Variants in SLC2A13 observed in about 807,000 individuals in gnomAD.
SLC2A13 encodes the protein proton myo-inositol cotransporter.
Under a neutral mutation model 64.4 loss-of-function variants are expected in SLC2A13, and 32 were observed. The observed-to-expected ratio is 0.50, with a 90% CI of 0.37 to 0.67. The LOEUF is 0.67. SLC2A13 is among the 30% of genes least tolerant of loss of function. SLC2A13 has a pLI of 0.00. For synonymous variants in SLC2A13, 338 were observed against 327.1 expected, an observed-to-expected ratio of 1.03 and a Z score of -0.36; for missense variants, 743 against 829.2, an observed-to-expected ratio of 0.90 and a Z score of 1.28.
intron 3 of SLC2A13, among the ~76,000 whole-genome samples, chr12:39,964,236 T>C (rs1251470800): frequency 6.6e-6 from 1 of 152,164 alleles, no homozygotes; most frequent in Non-Finnish European, 1.5e-5. Flanking sequence ...TATTCTTCTA[T>C]TACCTGTACC....
At chr12:39,901,596 C>A (rs2136017699) in intron 4 of SLC2A13, among the ~76,000 whole-genome samples, 1 of 124,400 alleles carries the variant, frequency 8.0e-6, no homozygotes, top group South Asian at 3.2e-4. Context: ...AAAAAATGCT[C>A]ATCATCACTG....
At chr12:39,810,508 G>A (rs977392344) in intron 7 of SLC2A13, among the ~76,000 whole-genome samples, 3 of 152,000 alleles carry the variant, frequency 2.0e-5, no homozygotes, top group Non-Finnish European at 4.4e-5. Context: ...GGATCTCCAG[G>A]AAAATGTCAT....
chr12:39,892,677 AGC>A (rs767872338), intron 4 of SLC2A13, among the ~76,000 whole-genome samples: 4 of 152,206 alleles, frequency 2.6e-5, no homozygotes, highest in Non-Finnish European at 5.9e-5. Flanking sequence ...TATAAATAGT[AGC>A]CTGGACAATT....
chr12:39,898,971 GGTA>G (rs2136009960), intron 4 of SLC2A13, among the ~76,000 whole-genome samples: 1 of 152,078 alleles, frequency 6.6e-6, no homozygotes, highest in East Asian at 1.9e-4. Context: ...GCCTGGCTTT[GGTA>G]TCAGGATGAT....
At chr12:39,898,761 A>G (rs1396886355) in intron 4 of SLC2A13, among the ~76,000 whole-genome samples, 1 of 152,128 alleles carries the variant, frequency 6.6e-6, no homozygotes, top group Admixed American at 6.6e-5. Context: ...CACCCACACT[A>G]CTTACATCTC....
intron 3 of SLC2A13, among the ~76,000 whole-genome samples, chr12:39,999,545 G>A (rs374831328): frequency 4.6e-5 from 7 of 152,048 alleles, no homozygotes; most frequent in African/African-American, 1.7e-4. Flanking sequence ...ATTAGGGTGG[G>A]AAAAAAACCT....
intron 7 of SLC2A13, among the ~76,000 whole-genome samples, chr12:39,773,780 A>G (rs1940671538): frequency 6.6e-6 from 1 of 152,186 alleles, no homozygotes; most frequent in South Asian, 2.1e-4. Context: ...CCAACTTCAT[A>G]TATTGAGTCC....
chr12:40,021,205 C>T (rs961512461), intron 3 of SLC2A13, among the ~76,000 whole-genome samples: 1 of 152,096 alleles, frequency 6.6e-6, no homozygotes, highest in African/African-American at 2.4e-5. Context: ...TTTCTTCTCC[C>T]GTGAGTATGC....
chr12:40,101,028 A>G (rs1183249748), intron 1 of SLC2A13, among the ~76,000 whole-genome samples: 2 of 150,986 alleles, frequency 1.3e-5, no homozygotes, highest in African/African-American at 4.9e-5. Flanking sequence ...TCTGGGATGG[A>G]AAACGTATGT....
chr12:40,004,169 G>A (rs189296461), intron 3 of SLC2A13, among the ~76,000 whole-genome samples: 1 of 151,988 alleles, frequency 6.6e-6, no homozygotes, highest in African/African-American at 2.4e-5. Flanking sequence ...TAGGTTATAT[G>A]CAAATACTAT....
intron 1 of SLC2A13, among the ~76,000 whole-genome samples, chr12:40,078,607 T>C (rs1031389901): frequency 3.9e-5 from 6 of 152,170 alleles, no homozygotes; most frequent in African/African-American, 1.2e-4. Flanking sequence ...TCATCTTTTA[T>C]TGTGTCTGCC....
intron 1 of SLC2A13, among the ~76,000 whole-genome samples, chr12:40,059,078 A>C (rs2136249536): frequency 6.6e-6 from 1 of 152,334 alleles, no homozygotes; most frequent in Admixed American, 6.5e-5. Flanking sequence ...CTGCTGCAGT[A>C]ACTCTGAGAC....
In SLC2A13 at chr12:40,105,969, C is replaced by A; in HGVS notation, c.-161G>T. 2.2e-6 allele frequency: 2 copies of A among 889,242 alleles called. No homozygotes were observed. Among genetic ancestry groups the A allele is most frequent in the Non-Finnish European group, 3.0e-6 (2 of 660,846 alleles). The allele number at this position is 889,242 out of a possible 1,614,324, so 55.1% of individuals were successfully genotyped here. On this transcript the variant is annotated 5_prime_UTR_variant, in exon 1 of 10. Coordinates refer to ENST00000280871, the MANE Select transcript of SLC2A13 (RefSeq NM_052885.4). This position sits in a 1 kb window ranked among gnomAD's most constrained non-coding sequence, Gnocchi z 4.2. ...ACGGCAGCAGCCGCCGCCACGGCCG[C>A]TCCGGGGAGAAAGTTGCTGCCCGCC...
chr12:39,773,392 G>A (rs1264083462), intron 7 of SLC2A13, among the ~76,000 whole-genome samples: 1 of 152,140 alleles, frequency 6.6e-6, no homozygotes, highest in Non-Finnish European at 1.5e-5. Context: ...TTCCAATCAT[G>A]GAATACACAG....
intron 1 of SLC2A13, among the ~76,000 whole-genome samples, chr12:40,052,276 G>A (rs1948271757): frequency 6.6e-6 from 1 of 152,088 alleles, no homozygotes; most frequent in South Asian, 2.1e-4. Flanking sequence ...ACATGTGAGT[G>A]GTCCCACCCC....
chr12:39,951,399 C>A, intron 3 of SLC2A13, 34 bp from the exon 4 acceptor site: 1 of 1,501,322 alleles, frequency 6.7e-7, no homozygotes, highest in Non-Finnish European at 9.0e-7. Context: ...AAAAATACAA[C>A]TATTATTTTT....
chr12:39,939,669 T>G (rs966219829), intron 4 of SLC2A13, among the ~76,000 whole-genome samples: 1 of 152,238 alleles, frequency 6.6e-6, no homozygotes, highest in Non-Finnish European at 1.5e-5. Flanking sequence ...TCTTAACATA[T>G]AAGAAGCTAG....
chr12:39,887,617 C>A (rs886942596), intron 4 of SLC2A13, among the ~76,000 whole-genome samples: 4 of 152,136 alleles, frequency 2.6e-5, no homozygotes, highest in African/African-American at 9.7e-5. Flanking sequence ...AGAGGGTAGA[C>A]GTCCTTCTTC....
chr12:39,923,968 A>G (rs933491209), intron 4 of SLC2A13, among the ~76,000 whole-genome samples: 1 of 152,022 alleles, frequency 6.6e-6, no homozygotes, highest in African/African-American at 2.4e-5. Flanking sequence ...TTTCACTAAA[A>G]TAATAGTTCT....
Sources: gnomAD v4.1 joint callset for allele counts (sites outside exome capture counted in the v4.1 genomes callset) on GRCh38, gnomAD v4.1.1 for gene constraint, Gnocchi (gnomAD v3.1) non-coding constraint, MANE v1.5 for transcripts, NCBI Gene and HGNC (gene_info 2026-07-23, HGNC 2026-07-21) for gene names.